The following CNTNAP5 variants were observed in gnomAD, a reference collection of about 807,000 sequenced individuals.
The protein encoded by CNTNAP5 is contactin-associated protein-like 5.
Under a neutral mutation model 150.2 loss-of-function variants are expected in CNTNAP5, and 72 were observed. The ratio of observed to expected loss-of-function variants is 0.48; its 90% CI spans 0.40 to 0.58. CNTNAP5 has a LOEUF of 0.58. Among genes scored for constraint, CNTNAP5 ranks in the 20% least tolerant of loss-of-function variants. The probability of loss-of-function intolerance (pLI) is 0.00; values close to 1 mark genes in which losing one functional copy is unlikely to be tolerated. For missense variants in CNTNAP5, 1,636 were observed against 1,626.2 expected (o/e 1.01, Z -0.10); for synonymous variants, 672 against 619.8 (o/e 1.08, Z -1.25).
intron 3 of CNTNAP5, among the ~76,000 whole-genome samples, chr2:124,369,149 C>A (rs2104724562): frequency 6.6e-6 from 1 of 152,230 alleles, no homozygotes; most frequent in Non-Finnish European, 1.5e-5. Context: ...AGAGATGATT[C>A]TTGGGGCAAG....
chr2:124,683,509 A>G (rs541907987), intron 13 of CNTNAP5, among the ~76,000 whole-genome samples: 27 of 152,188 alleles, frequency 1.8e-4, no homozygotes, highest in Middle Eastern at 3.4e-3. Context: ...GCTGTACCCA[A>G]TGTGTAGTCT....
intron 21 of CNTNAP5, among the ~76,000 whole-genome samples, chr2:124,870,920 T>C (rs1489590626): frequency 6.6e-6 from 1 of 152,064 alleles, no homozygotes; most frequent in Non-Finnish European, 1.5e-5. Context: ...TCAAGCTTCA[T>C]AAAGGGTTTA....
intron 3 of CNTNAP5, among the ~76,000 whole-genome samples, chr2:124,357,128 C>T (rs549864778): frequency 2.6e-4 from 40 of 151,972 alleles, no homozygotes; most frequent in Admixed American, 2.5e-3. Context: ...CTGTTCATGT[C>T]CTTCGCCCAC....
chr2:124,054,839 TA>T lies in CNTNAP5; in HGVS notation c.82+29108del, dbSNP rs1466286403. Among the ~76,000 whole-genome samples the T allele has an allele frequency of 2.0e-5, 3 of 152,326 alleles. No homozygotes were observed. In the East Asian group the frequency reaches 5.8e-4, roughly 29 times the overall value. ...TCTATTTCCCTTCCTGCAACAGCCC[TA>T]GAACTTTTTTGATTTTCAAAAATTA... On this transcript the variant is annotated intron_variant, in intron 1 of 23. Coordinates refer to ENST00000682447, the MANE Select transcript of CNTNAP5 (RefSeq NM_001367498.1).
At chr2:124,381,535 C>G (rs568635915) in intron 3 of CNTNAP5, among the ~76,000 whole-genome samples, 13 of 152,128 alleles carry the variant, frequency 8.5e-5, no homozygotes, top group African/African-American at 1.4e-4. Context: ...TAGGATCACC[C>G]CCCCCTCCAA....
intron 11 of CNTNAP5, among the ~76,000 whole-genome samples, chr2:124,588,186 T>G (rs1696593161): frequency 1.1e-5 from 1 of 92,522 alleles, no homozygotes; most frequent in Non-Finnish European, 2.5e-5. Flanking sequence ...CCTTCTTTCT[T>G]TCTTTCTTTC....
intron 3 of CNTNAP5, among the ~76,000 whole-genome samples, chr2:124,336,508 A>C: frequency 7.0e-6 from 1 of 143,236 alleles, no homozygotes; most frequent in African/African-American, 2.6e-5. Context: ...ATATCTCCTA[A>C]TGCTATCCCT....
intron 1 of CNTNAP5, among the ~76,000 whole-genome samples, chr2:124,099,136 T>C (rs1419883240): frequency 2.0e-5 from 3 of 152,176 alleles, no homozygotes; most frequent in African/African-American, 7.2e-5. Flanking sequence ...GTGATATTGA[T>C]GGGTTCATTG....
chr2:124,147,777 A>G (rs754725736), intron 1 of CNTNAP5, among the ~76,000 whole-genome samples: 1 of 152,196 alleles, frequency 6.6e-6, no homozygotes, highest in Admixed American at 6.5e-5. Flanking sequence ...CCTGCAGGGC[A>G]TAGAGGCTTG....
chr2:124,506,212 G>C (rs185391882), intron 8 of CNTNAP5, among the ~76,000 whole-genome samples: 1 of 145,836 alleles, frequency 6.9e-6, no homozygotes, highest in Non-Finnish European at 1.5e-5. Context: ...AAAAAAAGAG[G>C]CAGTTTCTAT....
rs980060601 is a variant in CNTNAP5, at chr2:124,025,450, C to T, written c.-201C>T. 86 of 598,364 alleles carry T rather than the reference C, an allele frequency of 1.4e-4. 1 individual carries two copies. Among genetic ancestry groups the T allele is most frequent in the South Asian group, 1.4e-3 (72 of 51,258 alleles). The allele number at this position is 598,364 out of a possible 1,614,324, so 37.1% of individuals were successfully genotyped here. On this transcript the variant is annotated 5_prime_UTR_variant, in exon 1 of 24. Transcript: ENST00000682447. ...CTAGCGGCTGTTGCGGGGACCGTAG[C>T]CCCAGCTGCAGCTCCGAAGAATCCC...
At chr2:124,556,606 A>G (rs1695760990) in intron 10 of CNTNAP5, among the ~76,000 whole-genome samples, 2 of 152,114 alleles carry the variant, frequency 1.3e-5, no homozygotes, top group African/African-American at 2.4e-5. Flanking sequence ...TGAAAATTGT[A>G]GTTATTCTGG....
intron 14 of CNTNAP5, among the ~76,000 whole-genome samples, chr2:124,748,826 C>T (rs537809820): frequency 7.9e-5 from 12 of 151,982 alleles, no homozygotes; most frequent in South Asian, 2.1e-4. Flanking sequence ...TCAAGCTGGC[C>T]GAAGTTATAG....
At chr2:124,865,965 A>C (rs186546079) in intron 20 of CNTNAP5, among the ~76,000 whole-genome samples, 20 of 151,446 alleles carry the variant, frequency 1.3e-4, no homozygotes, top group African/African-American at 4.8e-4. Context: ...AAAAGAAAAA[A>C]AGAAATACAG....
chr2:124,076,505 G>C (rs1682441075), intron 1 of CNTNAP5, among the ~76,000 whole-genome samples: 1 of 152,064 alleles, frequency 6.6e-6, no homozygotes, highest in Admixed American at 6.6e-5. Context: ...TTGACACTTT[G>C]AAGCTTTCCT....
At position 124,145,836 on chromosome 2, in the gene CNTNAP5, A is replaced by AAAAAT. The variant is rs772749783; in HGVS notation, c.83-75865_83-75864insTAAAA. Among the ~76,000 whole-genome samples, 64 of 75,830 alleles carry AAAAAT rather than the reference A, an allele frequency of 8.4e-4. 4 individuals are homozygous for AAAAAT. Among genetic ancestry groups the AAAAAT allele is most frequent in the Admixed American group, 6.1e-3 (34 of 5,580 alleles). The allele number at this position is 75,830 out of a possible 152,430, so 49.7% of individuals were successfully genotyped here. A position where few individuals can be genotyped will look rare whatever the true frequency, so the allele number is the denominator to read the frequency against. On this transcript the variant is annotated intron_variant, in intron 1 of 23. Transcript: ENST00000682447. ...TTAAAAAAAAAAAAAAAAGAAGAAA[A>AAAAAT]AAAAAAAAAATAAAATATATTTAAT...
At chr2:124,532,476 G>A (rs977697341) in intron 10 of CNTNAP5, among the ~76,000 whole-genome samples, 5 of 152,120 alleles carry the variant, frequency 3.3e-5, no homozygotes, top group Non-Finnish European at 5.9e-5. Flanking sequence ...TCAAGATCCA[G>A]GACAGGAGAG....
At chr2:124,126,671 G>A (rs1480017053) in intron 1 of CNTNAP5, among the ~76,000 whole-genome samples, 1 of 152,132 alleles carries the variant, frequency 6.6e-6, no homozygotes, top group Non-Finnish European at 1.5e-5. Context: ...TAAAATACTG[G>A]CAAACCGAAT....
intron 21 of CNTNAP5, among the ~76,000 whole-genome samples, chr2:124,871,652 A>ATCT (rs1677751000): frequency 6.6e-6 from 1 of 152,180 alleles, no homozygotes; most frequent in Non-Finnish European, 1.5e-5. Flanking sequence ...GCTACCAAGA[A>ATCT]GTCCGCTGTC....
Sources: allele counts gnomAD v4.1 joint callset (sites outside exome capture counted in the v4.1 genomes callset), GRCh38; gene constraint gnomAD v4.1.1; transcripts MANE v1.5; gene names NCBI Gene and HGNC (gene_info 2026-07-23, HGNC 2026-07-21).